GLI2: variants seen among roughly 807,000 people sequenced by gnomAD.
GLI2 encodes GLI family zinc finger 2.
A neutral mutation model predicts 78.9 loss-of-function variants in GLI2; 22 were observed. The ratio of observed to expected loss-of-function variants is 0.28; its 90% CI spans 0.20 to 0.40. GLI2 has a LOEUF of 0.40. Ranked by LOEUF, GLI2 falls within the 10% of genes least tolerant of loss-of-function variation. The probability of loss-of-function intolerance (pLI) is 1.00; values close to 1 mark genes in which losing one functional copy is unlikely to be tolerated. For synonymous variants in GLI2, 974 were observed against 963.7 expected (o/e 1.01, Z -0.20); for missense variants, 2,097 against 2,213.2 (o/e 0.95, Z 1.05).
chr2:120,751,393 A>T (rs1255278063), intron 1 of GLI2, among the ~76,000 whole-genome samples: 1 of 151,694 alleles, frequency 6.6e-6, no homozygotes, highest in Admixed American at 6.6e-5. Flanking sequence ...ACAGTTTTGC[A>T]TCTCGTACTT....
chr2:120,787,642 T>C (rs1684034896), intron 1 of GLI2, among the ~76,000 whole-genome samples: 1 of 152,180 alleles, frequency 6.6e-6, no homozygotes, highest in Non-Finnish European at 1.5e-5. Flanking sequence ...GGAATCGCGC[T>C]TCAGGAATAC....
chr2:120,913,242 G>T (rs1335723138), intron 2 of GLI2, among the ~76,000 whole-genome samples: 1 of 152,040 alleles, frequency 6.6e-6, no homozygotes, highest in African/African-American at 2.4e-5. Flanking sequence ...TAGGGTAGCC[G>T]CGAGCTGTGT....
At chr2:120,982,035 G>T (rs1422577763) in intron 10 of GLI2, among the ~76,000 whole-genome samples, 1 of 152,166 alleles carries the variant, frequency 6.6e-6, no homozygotes, top group African/African-American at 2.4e-5. Context: ...AGAGTGTTGT[G>T]ATTGAGAATA....
At chr2:120,904,430 G>A (rs963578503) in intron 2 of GLI2, among the ~76,000 whole-genome samples, 7 of 152,128 alleles carry the variant, frequency 4.6e-5, no homozygotes, top group Non-Finnish European at 8.8e-5. Context: ...AGAGCCTGTC[G>A]GTCCCTGGCT....
intron 2 of GLI2, among the ~76,000 whole-genome samples, chr2:120,852,184 C>G (rs994795956): frequency 1.3e-5 from 2 of 152,054 alleles, no homozygotes; most frequent in African/African-American, 4.8e-5. Flanking sequence ...GAGGGTGAAC[C>G]TGAGCTTGGA....
At chr2:120,876,557 A>G (rs1162351072) in intron 2 of GLI2, among the ~76,000 whole-genome samples, 2 of 152,076 alleles carry the variant, frequency 1.3e-5, no homozygotes, top group African/African-American at 4.8e-5. Context: ...ACAGTTTAAA[A>G]TACTCACCGG....
intron 1 of GLI2, among the ~76,000 whole-genome samples, 194 bp downstream of exon 1, chr2:120,736,479 T>A (rs1048493564): frequency 6.6e-6 from 1 of 151,866 alleles, no homozygotes; most frequent in African/African-American, 2.4e-5. Flanking sequence ...CCTGGGGCTC[T>A]GGACGAGCAG....
intron 2 of GLI2, among the ~76,000 whole-genome samples, chr2:120,854,354 G>T (rs1448106379): frequency 4.6e-5 from 7 of 152,192 alleles, no homozygotes; most frequent in African/African-American, 1.7e-4. Flanking sequence ...CCACTTTTAA[G>T]AGGGTCTGCC....
intron 2 of GLI2, among the ~76,000 whole-genome samples, chr2:120,883,635 A>T (rs376334409): frequency 6.6e-6 from 1 of 152,304 alleles, no homozygotes; most frequent in African/African-American, 2.4e-5. Context: ...GGTAGTTATT[A>T]TTGTAATCCT....
chr2:120,829,100 G>GAACC (rs1558820505), intron 2 of GLI2, among the ~76,000 whole-genome samples: 1 of 151,460 alleles, frequency 6.6e-6, no homozygotes, highest in Non-Finnish European at 1.5e-5. Flanking sequence ...CCACGCACCT[G>GAACC]CACCCATGCA....
chr2:120,869,672 G>A (rs748446875), intron 2 of GLI2, among the ~76,000 whole-genome samples: 3 of 152,244 alleles, frequency 2.0e-5, no homozygotes, highest in Non-Finnish European at 4.4e-5. Context: ...GAAGTGAGAT[G>A]CTGGAAGCCA....
chr2:120,763,275 C>A lies in GLI2; in HGVS notation c.-31+26990C>A, dbSNP rs988432450. 3.9e-5 allele frequency among the ~76,000 whole-genome samples: 6 copies of A among 152,328 alleles called. No homozygotes were observed. In the South Asian group the frequency reaches 1.0e-3, roughly 26 times the overall value. ...TGTGTGTTTTCTTGACCTAAAGGAGCCCCTGTCCATTATCAGTGTTTGCTG... is the reference window on the plus strand; with the variant it reads ...TGTGTGTTTTCTTGACCTAAAGGAGACCCTGTCCATTATCAGTGTTTGCTG... On this transcript the variant is annotated intron_variant, in intron 1 of 13. Coordinates refer to ENST00000361492, the MANE Select transcript of GLI2 (RefSeq NM_001374353.1).
chr2:120,883,660 G>A (rs1003099104), intron 2 of GLI2, among the ~76,000 whole-genome samples: 3 of 152,198 alleles, frequency 2.0e-5, no homozygotes, highest in African/African-American at 7.2e-5. Context: ...AACAGATGAG[G>A]AAACCGAGGC....
At chr2:120,821,977 C>T (rs1685798963) in intron 2 of GLI2, among the ~76,000 whole-genome samples, 3 of 152,238 alleles carry the variant, frequency 2.0e-5, no homozygotes, top group South Asian at 4.1e-4. Context: ...GGGGATGCCA[C>T]CAGGCTGCTT....
Position 120,990,507 on chromosome 2 carries a change from C to T in GLI2, c.4542C>T (p.Pro1514=). 1 of 1,614,136 alleles carries T rather than the reference C, an allele frequency of 6.2e-7. No individual in the cohort carries two copies. Among genetic ancestry groups the T allele is most frequent in the Non-Finnish European group, 8.5e-7 (1 of 1,180,014 alleles). Residue 1514 remains proline, a synonymous_variant, in exon 14 of 14, where the codon CCC becomes CCT. Transcript: ENST00000361492. ...GTTTGTTCTCGGGTGCTCTGAGCCC[C>T]AGCCTCCTCCACAGCCTCTCCCAGA... The part of the protein sequence containing the change: ...HSSLFSGALS[P]SLLHSLSQNS...
intron 2 of GLI2, among the ~76,000 whole-genome samples, chr2:120,914,832 G>A (rs1042916358): frequency 6.6e-6 from 1 of 152,244 alleles, no homozygotes; most frequent in Admixed American, 6.5e-5. Context: ...AGGACACCGA[G>A]GCACAGGAAG....
intron 2 of GLI2, among the ~76,000 whole-genome samples, chr2:120,804,665 G>A (rs1037026518): frequency 1.3e-5 from 2 of 152,222 alleles, no homozygotes; most frequent in African/African-American, 2.4e-5. Context: ...TGCTGGGCTT[G>A]TTTTATGGCC....
intron 5 of GLI2, among the ~76,000 whole-genome samples, chr2:120,963,130 T>G (rs908974053): frequency 3.3e-5 from 5 of 152,206 alleles, no homozygotes; most frequent in Non-Finnish European, 7.3e-5. Context: ...CAATCATCTT[T>G]CCTAGACTTG....
intron 2 of GLI2, among the ~76,000 whole-genome samples, chr2:120,816,431 G>T (rs1301429558): frequency 6.6e-6 from 1 of 152,008 alleles, no homozygotes; most frequent in Non-Finnish European, 1.5e-5. Flanking sequence ...CTGACCTCAA[G>T]TGATCGGCCC....
Sources: gnomAD v4.1 joint callset for allele counts (sites outside exome capture counted in the v4.1 genomes callset) on GRCh38, gnomAD v4.1.1 for gene constraint, MANE v1.5 for transcripts, NCBI Gene and HGNC (gene_info 2026-07-23, HGNC 2026-07-21) for gene names.